Variants in ADD1 observed in about 807,000 individuals in gnomAD.
ADD1 encodes adducin 1.
A neutral mutation model predicts 80.5 loss-of-function variants in ADD1; 24 were observed. The ratio of observed to expected loss-of-function variants is 0.30; its 90% confidence interval spans 0.22 to 0.42. The LOEUF (loss-of-function observed/expected upper bound fraction) is 0.42, where lower values mean the gene tolerates loss of function less well. ADD1 is among the 10% of genes least tolerant of loss of function. The pLI is 1.00. For missense variants in ADD1, 948 were observed against 1,019.0 expected, an observed-to-expected ratio of 0.93 and a Z score of 0.95; for synonymous variants, 373 against 393.8, an observed-to-expected ratio of 0.95 and a Z score of 0.63.
Position 2,928,848 on chromosome 4 carries a change from C to T in ADD1, c.*325C>T, listed in dbSNP as rs975756848. The T allele has an allele frequency of 3.4e-6, 1 of 296,972 alleles. No individual in the cohort carries two copies. Among genetic ancestry groups the T allele is most frequent in the South Asian group, 5.4e-5 (1 of 18,558 alleles). 18.4% of individuals were successfully genotyped at this position (296,972 alleles called of 1,614,324 possible). A position where few individuals can be genotyped will look rare whatever the true frequency, so the allele number is the denominator to read the frequency against. The stretch of plus-strand genomic sequence containing the variant: ...TTTGGCTGCACGTCACCCTCCTGAG[C>T]CTCACCTTTCCTGCCGTCCCTCCTG... On this transcript the variant is annotated 3_prime_UTR_variant, in exon 16 of 16. Transcript: ENST00000683351.
At chr4:2,895,969 G>A (rs1172853252) in intron 6 of ADD1, among the ~76,000 whole-genome samples, 3 of 150,960 alleles carry the variant, frequency 2.0e-5, no homozygotes, top group South Asian at 2.1e-4. Flanking sequence ...CTCACTGCAA[G>A]CTCTGCCTCC....
chr4:2,903,773 T>A (rs1736587121), intron 9 of ADD1, among the ~76,000 whole-genome samples: 1 of 152,158 alleles, frequency 6.6e-6, no homozygotes, highest in Non-Finnish European at 1.5e-5. Context: ...TCTGTCACAC[T>A]TACCAAGTGT....
chr4:2,879,662 G>A (rs367635692), intron 2 of ADD1, among the ~76,000 whole-genome samples: 4 of 151,524 alleles, frequency 2.6e-5, no homozygotes, highest in African/African-American at 7.3e-5. Flanking sequence ...TCACTCTGTC[G>A]CCCAGGCTGG....
intron 2 of ADD1, among the ~76,000 whole-genome samples, chr4:2,879,389 T>C (rs1731867711): frequency 6.6e-6 from 1 of 152,200 alleles, no homozygotes; most frequent in South Asian, 2.1e-4. Flanking sequence ...AAGGACCATA[T>C]TATTTATCAG....
At chr4:2,890,798 C>A (rs1734185578) in intron 4 of ADD1, among the ~76,000 whole-genome samples, 1 of 151,946 alleles carries the variant, frequency 6.6e-6, no homozygotes, top group South Asian at 2.1e-4. Flanking sequence ...CTTGTAAATA[C>A]CCTTGTATGT....
chr4:2,883,785 C>T (rs1732791647), intron 3 of ADD1, among the ~76,000 whole-genome samples: 1 of 152,066 alleles, frequency 6.6e-6, no homozygotes, highest in Non-Finnish European at 1.5e-5. Context: ...CATTCTCCTG[C>T]CTCAGCCTCC....
At chr4:2,906,160 G>T (rs1737020716) in intron 10 of ADD1, among the ~76,000 whole-genome samples, 2 of 152,148 alleles carry the variant, frequency 1.3e-5, no homozygotes, top group Admixed American at 1.3e-4. Flanking sequence ...TCTTCCCCAG[G>T]TGGTCCTGGT....
chr4:2,867,277 G>A (rs1371588316), intron 1 of ADD1, among the ~76,000 whole-genome samples: 1 of 152,106 alleles, frequency 6.6e-6, no homozygotes, highest in Non-Finnish European at 1.5e-5. Flanking sequence ...CTGGGTTTGG[G>A]AAAAATTAGG....
intron 1 of ADD1, among the ~76,000 whole-genome samples, chr4:2,856,422 A>G (rs1163135044): frequency 2.0e-5 from 3 of 151,758 alleles, no homozygotes; most frequent in Admixed American, 1.3e-4. Context: ...CTGCATATTC[A>G]TTACAATGTG....
Position 2,928,535 on chromosome 4 carries a change from T to C in ADD1, c.*12T>C. On this transcript the variant is annotated 3_prime_UTR_variant, in exon 16 of 16. Transcript: ENST00000683351. ...AGAGTGACTCCTGAAAGCCCTGCGC[T>C]AACACTGTCCTGTCCGGAGCGACCC... is the stretch of plus-strand genomic sequence containing the variant. 1 of 1,610,666 alleles carries C rather than the reference T, an allele frequency of 6.2e-7. No individual in the cohort carries two copies. Among genetic ancestry groups the C allele is most frequent in the Non-Finnish European group, 8.5e-7 (1 of 1,178,380 alleles).
At chr4:2,874,467 T>C (rs1730942985) in intron 1 of ADD1, among the ~76,000 whole-genome samples, 1 of 150,606 alleles carries the variant, frequency 6.6e-6, no homozygotes, top group Admixed American at 6.6e-5. Context: ...ATTACCCGGG[T>C]GTGGTGGCAC....
intron 13 of ADD1, among the ~76,000 whole-genome samples, chr4:2,914,517 T>TA (rs1738643376): frequency 6.6e-6 from 1 of 152,230 alleles, no homozygotes; most frequent in Non-Finnish European, 1.5e-5. Flanking sequence ...GAGGAAAACT[T>TA]ACTGACTTTT....
At chr4:2,907,581 A>G in intron 10 of ADD1, 162 bp from the exon 11 acceptor site, 1 of 634,532 alleles carries the variant, frequency 1.6e-6, no homozygotes, top group Admixed American at 2.4e-5. Context: ...TCCTGCTCCC[A>G]TGGCGACTCT....
chr4:2,877,195 C>T (rs559068498), intron 2 of ADD1, among the ~76,000 whole-genome samples: 7 of 151,976 alleles, frequency 4.6e-5, no homozygotes, highest in Non-Finnish European at 7.4e-5. Flanking sequence ...CTGCTGCTGC[C>T]TTTGTGTGTG....
At chr4:2,918,445 C>A (rs977954490) in intron 14 of ADD1, among the ~76,000 whole-genome samples, 1 of 152,170 alleles carries the variant, frequency 6.6e-6, no homozygotes, top group African/African-American at 2.4e-5. Context: ...AATATACAAT[C>A]ATGTCATCTG....
chr4:2,881,592 T>G (rs997751052), intron 2 of ADD1: 7 of 218,786 alleles, frequency 3.2e-5, no homozygotes, highest in African/African-American at 1.4e-4. Context: ...TGTTTTTCCC[T>G]TTTATCAATA....
chr4:2,873,142 G>A (rs1180536720), intron 1 of ADD1, among the ~76,000 whole-genome samples: 1 of 152,054 alleles, frequency 6.6e-6, no homozygotes, highest in African/African-American at 2.4e-5. Context: ...ACAGGTGCGT[G>A]CCCCCACGCC....
chr4:2,887,984 TGTTA>T (rs569102393), intron 4 of ADD1, among the ~76,000 whole-genome samples: 79 of 152,348 alleles, frequency 5.2e-4, no homozygotes, highest in Middle Eastern at 3.4e-3. Flanking sequence ...TTAATAGATC[TGTTA>T]GTTAAGCTTA....
In ADD1 at chr4:2,928,266, C is replaced by T. The variant is rs774085136; in HGVS notation, c.2143C>T (p.Leu715Phe). The change falls in exon 16 of 16, where the codon CTC becomes TTC. Residue 715 changes from leucine to phenylalanine, a missense_variant. Leu to Phe is a conservative substitution (Grantham distance 22). Coordinates refer to ENST00000683351, the MANE Select transcript of ADD1 (RefSeq NM_001354761.2). Reference sequence around the variant, plus strand: ...GTCCCCTGATGAACCTTCAGAAGCACTCGGCTTCCCAATGTTAGAGAAGGA... The same window carrying T: ...GTCCCCTGATGAACCTTCAGAAGCATTCGGCTTCCCAATGTTAGAGAAGGA... Reference protein sequence around the residue: ...DLSPDEPSEALGFPMLEKEEE... With the variant: ...DLSPDEPSEAFGFPMLEKEEE... 5.0e-6 allele frequency: 8 copies of T among 1,614,114 alleles called. 1 individual carries two copies. In the South Asian group the frequency reaches 7.7e-5, roughly 16 times the overall value.
Sources: allele counts gnomAD v4.1 joint callset (sites outside exome capture counted in the v4.1 genomes callset), GRCh38; gene constraint gnomAD v4.1.1; transcripts MANE v1.5; gene names NCBI Gene and HGNC (gene_info 2026-07-23, HGNC 2026-07-21).